CHL1: variants seen among roughly 807,000 people sequenced by gnomAD.
CHL1 encodes cell adhesion molecule L1 like.
A neutral mutation model predicts 141.9 loss-of-function variants in CHL1; 96 were observed. The observed-to-expected ratio is 0.68, with a 90% CI of 0.57 to 0.80. The LOEUF is 0.80. Among genes scored for constraint, CHL1 ranks in the 30% least tolerant of loss-of-function variants. CHL1 has a pLI of 0.00. For missense variants in CHL1, 1,820 were observed against 1,457.2 expected (o/e 1.25, Z -4.05); for synonymous variants, 613 against 502.2 (o/e 1.22, Z -2.95).
intron 1 of CHL1, among the ~76,000 whole-genome samples, chr3:205,673 A>G (rs1699371725): frequency 6.6e-6 from 1 of 151,998 alleles, no homozygotes; most frequent in African/African-American, 2.4e-5. Flanking sequence ...GCGCACGTGT[A>G]TGTGTGGGTC....
rs546760938 is a variant in CHL1, at chr3:289,736, A to G, written c.-94-29947A>G. ...TATTGATTTAATACATATCTTATTT[A>G]ATACATATTTTATGCTCATTAATAC... On this transcript the variant is annotated intron_variant, in intron 2 of 27. Transcript: ENST00000256509. Among the ~76,000 whole-genome samples the G allele has an allele frequency of 1.8e-3, 266 of 150,718 alleles. 1 individual carries two copies. Among genetic ancestry groups the G allele is most frequent in the African/African-American group, 6.4e-3 (259 of 40,304 alleles).
intron 27 of CHL1, among the ~76,000 whole-genome samples, chr3:402,101 C>G (rs528926957): frequency 1.3e-5 from 2 of 152,194 alleles, no homozygotes; most frequent in East Asian, 3.8e-4. Flanking sequence ...ACCCTGTCCT[C>G]TAGATGAACC....
At chr3:224,253 C>T (rs1372084244) in intron 1 of CHL1, among the ~76,000 whole-genome samples, 1 of 152,126 alleles carries the variant, frequency 6.6e-6, no homozygotes, top group African/African-American at 2.4e-5. Context: ...CTAAATTTCT[C>T]CCAAAGATAG....
chr3:249,564 T>C (rs941729789), intron 2 of CHL1, among the ~76,000 whole-genome samples: 3 of 152,202 alleles, frequency 2.0e-5, no homozygotes, highest in East Asian at 1.9e-4. Context: ...ACTGGCACTA[T>C]TGGCTTAAGT....
At position 276,393 on chromosome 3, in the gene CHL1, C is replaced by T. The variant is rs369827259; in HGVS notation, c.-95+31701C>T. ...TTTTTGAGGAGTTGGAGATAGGAAA[C>T]TGCAGAGTTTAGCCTGTTTGGAAGA... On this transcript the variant is annotated intron_variant, in intron 2 of 27. Transcript: ENST00000256509. Among the ~76,000 whole-genome samples the T allele has an allele frequency of 4.6e-5, 7 of 152,108 alleles. No individual in the cohort carries two copies. In the East Asian group the frequency reaches 7.7e-4, roughly 17 times the overall value.
rs1709600310 is a variant in CHL1, at chr3:407,460, A to T, written c.*1749A>T. 1 of 152,130 alleles carries T rather than the reference A, an allele frequency of 6.6e-6. No individual in the cohort carries two copies. The highest frequency in any genetic ancestry group is 1.5e-5 in the Non-Finnish European group (1 of 68,054). The allele number at this position is 152,130 out of a possible 1,614,324, so 9.4% of individuals were successfully genotyped here. ...ATTTATGGGCTCAGGATCTGACCGC[A>T]GTCCCGGGAGTAAGCATTTCAAAGG... On this transcript the variant is annotated 3_prime_UTR_variant, in exon 28 of 28. Coordinates refer to ENST00000256509, the MANE Select transcript of CHL1 (RefSeq NM_006614.4).
At chr3:198,741 ATTTT>A (rs1698644309) in intron 1 of CHL1, among the ~76,000 whole-genome samples, 1 of 152,168 alleles carries the variant, frequency 6.6e-6, no homozygotes, top group South Asian at 2.1e-4. Flanking sequence ...CATATGGTGC[ATTTT>A]CATTTCTCTG....
At chr3:221,534 A>G (rs1448113611) in intron 1 of CHL1, among the ~76,000 whole-genome samples, 2 of 152,204 alleles carry the variant, frequency 1.3e-5, no homozygotes, top group Non-Finnish European at 2.9e-5. Flanking sequence ...TTTACTTTTA[A>G]TATCATGGTC....
intron 2 of CHL1, among the ~76,000 whole-genome samples, chr3:273,732 A>G (rs956797256): frequency 1.3e-5 from 2 of 152,040 alleles, no homozygotes; most frequent in Non-Finnish European, 2.9e-5. Flanking sequence ...AATGCTTCTT[A>G]TTTTTAAGTT....
chr3:234,096 GCA>G (rs1479337370), intron 1 of CHL1, among the ~76,000 whole-genome samples: 3 of 151,834 alleles, frequency 2.0e-5, no homozygotes, highest in African/African-American at 7.3e-5. Context: ...TGTAGCTATA[GCA>G]CTGGGTGAAT....
chr3:215,265 A>G (rs929185002), intron 1 of CHL1, among the ~76,000 whole-genome samples: 3 of 152,208 alleles, frequency 2.0e-5, no homozygotes, highest in Non-Finnish European at 4.4e-5. Context: ...TTGTGGTAAC[A>G]TGGATGAATC....
At chr3:287,923 G>C (rs1040634299) in intron 2 of CHL1, among the ~76,000 whole-genome samples, 5 of 141,684 alleles carry the variant, frequency 3.5e-5, no homozygotes, top group African/African-American at 1.3e-4. Context: ...GCGCCATCAC[G>C]CCAGGCTAAG....
At chr3:210,807 T>TCCCGACACTTCCTAGAGATCTTAGA (rs1335907856) in intron 1 of CHL1, among the ~76,000 whole-genome samples, 1 of 152,186 alleles carries the variant, frequency 6.6e-6, no homozygotes, top group Non-Finnish European at 1.5e-5. Context: ...CCTTTCCCCC[T>TCCCGACACTTCCTAGAGATCTTAGA]CCCGACACTT....
At chr3:296,901 G>C (rs1698236376) in intron 2 of CHL1, among the ~76,000 whole-genome samples, 1 of 152,158 alleles carries the variant, frequency 6.6e-6, no homozygotes, top group African/African-American at 2.4e-5. Context: ...AAGTCAGGGA[G>C]ACAGATTAGA....
intron 1 of CHL1, among the ~76,000 whole-genome samples, chr3:224,047 C>G (rs1449993817): frequency 6.6e-6 from 1 of 152,130 alleles, no homozygotes; most frequent in East Asian, 1.9e-4. Flanking sequence ...GGGAAGGTTA[C>G]AAATCTTGTA....
chr3:319,667 C>G lies in CHL1; in HGVS notation c.-94-16C>G. 5.7e-5 allele frequency: 28 copies of G among 495,306 alleles called. No homozygotes were observed. Among genetic ancestry groups the G allele is most frequent in the East Asian group, 2.7e-4 (6 of 22,572 alleles). The allele number at this position is 495,306 out of a possible 1,614,324, so 30.7% of individuals were successfully genotyped here. A position where few individuals can be genotyped will look rare whatever the true frequency, so the allele number is the denominator to read the frequency against. On this transcript the variant is annotated splice_polypyrimidine_tract_variant and intron_variant, in intron 2 of 27. Transcript: ENST00000256509. ...AGAGTTTGTGAACTAACATGTTATTCTGTTTGTGTTTTTAGTTTCCAGGTT... is the reference window on the plus strand; with the variant it reads ...AGAGTTTGTGAACTAACATGTTATTGTGTTTGTGTTTTTAGTTTCCAGGTT...
chr3:259,119 C>T (rs1400644519), intron 2 of CHL1, among the ~76,000 whole-genome samples: 4 of 151,412 alleles, frequency 2.6e-5, no homozygotes, highest in African/African-American at 9.8e-5. Flanking sequence ...GAGAGAATTT[C>T]ACCACATTTC....
At chr3:242,540 G>A (rs1220802013) in intron 1 of CHL1, among the ~76,000 whole-genome samples, 2 of 152,132 alleles carry the variant, frequency 1.3e-5, no homozygotes, top group Admixed American at 6.5e-5. Flanking sequence ...AGCTTGCAGT[G>A]AGCCGAGATT....
intron 1 of CHL1, among the ~76,000 whole-genome samples, chr3:200,789 T>C (rs527337087): frequency 6.6e-6 from 1 of 152,340 alleles, no homozygotes; most frequent in African/African-American, 2.4e-5. Flanking sequence ...CTCTCACCCC[T>C]TGGGGGAGAC....
Sources: allele counts gnomAD v4.1 joint callset (sites outside exome capture counted in the v4.1 genomes callset), GRCh38; gene constraint gnomAD v4.1.1; transcripts MANE v1.5; gene names NCBI Gene and HGNC (gene_info 2026-07-23, HGNC 2026-07-21).